Variants in MCPH1 observed in about 807,000 individuals in gnomAD.
The protein encoded by MCPH1 is microcephalin.
In MCPH1, 104 loss-of-function variants were observed where a neutral mutation model predicts 84.5. The observed-to-expected ratio is 1.23, with a 90% CI of 1.05 to 1.45. The LOEUF (loss-of-function observed/expected upper bound fraction) is 1.45. Among genes scored for constraint, MCPH1 ranks in the 40% most tolerant of loss-of-function variants. MCPH1 has a pLI of 0.00. For missense variants in MCPH1, 1,498 were observed against 1,005.7 expected, an observed-to-expected ratio of 1.49 and a Z score of -6.62; for synonymous variants, 514 against 366.8, an observed-to-expected ratio of 1.40 and a Z score of -4.58.
chr8:6,538,397 G>C lies in MCPH1; in HGVS notation c.2214+38468G>C, dbSNP rs1007624922. Among the ~76,000 whole-genome samples, 5 of 152,316 alleles carry C rather than the reference G, an allele frequency of 3.3e-5. No individual in the cohort carries two copies. The East Asian group carries it at 9.6e-4, about 29-fold the overall frequency. ...GCTCTCCTTTCATCCCGCTGTCAGA[G>C]TCAGGAATCCACATGCAAAGCTGGT... On this transcript the variant is annotated intron_variant, in intron 12 of 13. Coordinates refer to ENST00000344683, the MANE Select transcript of MCPH1 (RefSeq NM_024596.5).
intron 12 of MCPH1, among the ~76,000 whole-genome samples, chr8:6,531,663 G>C (rs1016884104): frequency 6.6e-6 from 1 of 152,154 alleles, no homozygotes; most frequent in African/African-American, 2.4e-5. Flanking sequence ...AGTGGAAAGA[G>C]AACTTAGCAA....
At chr8:6,478,716 G>C (rs970885112) in intron 10 of MCPH1, among the ~76,000 whole-genome samples, 1 of 152,048 alleles carries the variant, frequency 6.6e-6, no homozygotes, top group Non-Finnish European at 1.5e-5. Flanking sequence ...GTGTAGTTTA[G>C]AGCTTTTTAC....
At chr8:6,610,491 C>A (rs1444257021) in intron 12 of MCPH1, among the ~76,000 whole-genome samples, 1 of 152,174 alleles carries the variant, frequency 6.6e-6, no homozygotes, top group African/African-American at 2.4e-5. Context: ...CTTTCTAGTT[C>A]GACTCTTAGC....
At chr8:6,605,107 C>T (rs560629196) in intron 12 of MCPH1, among the ~76,000 whole-genome samples, 2 of 152,256 alleles carry the variant, frequency 1.3e-5, no homozygotes, top group Non-Finnish European at 2.9e-5. Context: ...GGTCCTGGTC[C>T]CACAGCAGGT....
chr8:6,435,525 C>T (rs979795507), intron 4 of MCPH1, among the ~76,000 whole-genome samples: 3 of 152,114 alleles, frequency 2.0e-5, no homozygotes, highest in Admixed American at 6.5e-5. Context: ...TGCCAGGGCT[C>T]AATCTGATTG....
intron 12 of MCPH1, among the ~76,000 whole-genome samples, chr8:6,577,295 C>G (rs1043453318): frequency 6.6e-6 from 1 of 152,168 alleles, no homozygotes; most frequent in African/African-American, 2.4e-5. Context: ...TTTCCCTTCC[C>G]GTCACCACGT....
chr8:6,534,523 C>T (rs1438315526), intron 12 of MCPH1, among the ~76,000 whole-genome samples: 4 of 148,576 alleles, frequency 2.7e-5, no homozygotes, highest in Non-Finnish European at 4.5e-5. Context: ...CCCGCCTCAG[C>T]CCCCCAAAGT....
At chr8:6,437,819 G>C (rs1802895981) in intron 5 of MCPH1, among the ~76,000 whole-genome samples, 1 of 152,066 alleles carries the variant, frequency 6.6e-6, no homozygotes, top group Non-Finnish European at 1.5e-5. Flanking sequence ...GACTTCTTCT[G>C]TTTTCTCCTT....
chr8:6,500,034 A>G, intron 12 of MCPH1, 105 bp downstream of exon 12: 1 of 908,438 alleles, frequency 1.1e-6, no homozygotes, highest in Non-Finnish European at 1.8e-6. Flanking sequence ...AAGCACAATT[A>G]TGCCCATAAT....
chr8:6,482,428 G>C (rs1166279304), intron 11 of MCPH1, among the ~76,000 whole-genome samples: 1 of 152,186 alleles, frequency 6.6e-6, no homozygotes, highest in African/African-American at 2.4e-5. Context: ...GGATAGGGTG[G>C]ACTACTGTCT....
intron 8 of MCPH1, chr8:6,447,510 C>A: frequency 1.4e-6 from 1 of 728,702 alleles, no homozygotes; most frequent in Non-Finnish European, 1.7e-6. Flanking sequence ...GCTGATAGAA[C>A]GGGAACTGAG....
chr8:6,485,154 G>T (rs772145376), intron 11 of MCPH1, among the ~76,000 whole-genome samples: 1 of 151,974 alleles, frequency 6.6e-6, no homozygotes, highest in African/African-American at 2.4e-5. Context: ...GTGAAACTCC[G>T]TCTCTACTAA....
intron 13 of MCPH1, among the ~76,000 whole-genome samples, chr8:6,629,341 A>C (rs1796990052): frequency 6.6e-6 from 1 of 152,230 alleles, no homozygotes; most frequent in Non-Finnish European, 1.5e-5. Flanking sequence ...GGGCACCTGC[A>C]ATCCCAGCTA....
chr8:6,638,345 A>G (rs887423761), intron 13 of MCPH1, among the ~76,000 whole-genome samples: 1 of 152,140 alleles, frequency 6.6e-6, no homozygotes, highest in Non-Finnish European at 1.5e-5. Context: ...TGAAGCTCAC[A>G]TGGGTCCCGT....
intron 12 of MCPH1, among the ~76,000 whole-genome samples, chr8:6,569,629 T>C (rs1040829075): frequency 2.0e-5 from 3 of 152,198 alleles, no homozygotes; most frequent in Non-Finnish European, 4.4e-5. Flanking sequence ...CAAGGCTCCG[T>C]GAAGAGAGAG....
chr8:6,414,848 A>T lies in MCPH1; in HGVS notation c.198A>T (p.Arg66Ser), dbSNP rs748988441. 1.2e-6 allele frequency: 2 copies of T among 1,613,736 alleles called. No individual in the cohort carries two copies. Among genetic ancestry groups the T allele is most frequent in the East Asian group, 4.5e-5 (2 of 44,892 alleles). The change falls in exon 3 of 14, where the codon AGA becomes AGT. Residue 66 changes from arginine (R) to serine (S), a missense_variant. Physicochemically the swap from Arg to Ser is moderately radical, Grantham distance 110 (BLOSUM62 -1). Coordinates refer to ENST00000344683, the MANE Select transcript of MCPH1 (RefSeq NM_024596.5). ...GCACTTGGGACAAAGCTCAGAAGAGAGGCGTAAAGCTCGTTTCGGTGCTCT... is the reference window on the plus strand; with the variant it reads ...GCACTTGGGACAAAGCTCAGAAGAGTGGCGTAAAGCTCGTTTCGGTGCTCT... ...YQSTWDKAQKRGVKLVSVLWV... is the reference protein window; with the variant it reads ...YQSTWDKAQKSGVKLVSVLWV...
intron 12 of MCPH1, chr8:6,615,639 G>A (rs1382154463): frequency 6.6e-6 from 1 of 152,212 alleles, no homozygotes; most frequent in Non-Finnish European, 1.5e-5. Context: ...TTTTAAATGT[G>A]TGTACACAGT....
At chr8:6,540,841 T>C (rs936856660) in intron 12 of MCPH1, among the ~76,000 whole-genome samples, 11 of 152,238 alleles carry the variant, frequency 7.2e-5, no homozygotes, top group African/African-American at 2.4e-4. Context: ...GCAGGGTGGT[T>C]CGCACACGTG....
intron 13 of MCPH1, among the ~76,000 whole-genome samples, chr8:6,634,259 C>T (rs780977807): frequency 2.6e-5 from 4 of 152,178 alleles, no homozygotes; most frequent in Non-Finnish European, 5.9e-5. Context: ...AGGCTGGTTG[C>T]AGAAATTTAA....
Sources: gnomAD v4.1 joint callset for allele counts (sites outside exome capture counted in the v4.1 genomes callset) on GRCh38, gnomAD v4.1.1 for gene constraint, MANE v1.5 for transcripts, NCBI Gene and HGNC (gene_info 2026-07-23, HGNC 2026-07-21) for gene names.